SMURF1: variants seen among roughly 807,000 people sequenced by gnomAD.
SMURF1 encodes the protein E3 ubiquitin-protein ligase SMURF1.
SMURF1 carries 44 observed loss-of-function variants against 98.0 expected under a neutral mutation model. The observed-to-expected ratio is 0.45, with a 90% CI of 0.35 to 0.58. SMURF1 has a LOEUF of 0.58. Ranked by LOEUF, SMURF1 falls within the 20% of genes least tolerant of loss-of-function variation. The probability of loss-of-function intolerance (pLI) is 0.00; values close to 1 mark genes in which losing one functional copy is unlikely to be tolerated. For synonymous variants in SMURF1, 396 were observed against 374.9 expected, an observed-to-expected ratio of 1.06 and a Z score of -0.65; for missense variants, 687 against 938.4, an observed-to-expected ratio of 0.73 and a Z score of 3.50.
rs958170010 is a variant in SMURF1 at position 99,027,712 on chromosome 7, T to C, written c.*2872A>G. 6 of 152,610 alleles carry C rather than the reference T, an allele frequency of 3.9e-5. No individual in the cohort carries two copies. Among genetic ancestry groups the C allele is most frequent in the Admixed American group, 1.3e-4 (2 of 15,286 alleles). 9.5% of individuals were successfully genotyped at this position (152,610 alleles called of 1,614,324 possible). On this transcript the variant is annotated 3_prime_UTR_variant, in exon 18 of 18. Coordinates refer to ENST00000361368, the MANE Select transcript of SMURF1 (RefSeq NM_181349.3). ...ACAAAATAAATTAAAAAATACGTTA[T>C]AAAGTGGTTGAGAAACAAAAATAAA...
intron 1 of SMURF1, among the ~76,000 whole-genome samples, chr7:99,133,878 C>A (rs1797927726): frequency 6.6e-6 from 1 of 152,144 alleles, no homozygotes; most frequent in East Asian, 1.9e-4. Flanking sequence ...ACAAAAATAA[C>A]ATTGAACAAA....
Position 99,046,910 on chromosome 7 carries a change from C to G in SMURF1, c.1152+774G>C, listed in dbSNP as rs532740794. Among the ~76,000 whole-genome samples the G allele has an allele frequency of 3.9e-5, 6 of 152,270 alleles. No homozygotes were observed. The South Asian group carries it at 1.2e-3, about 32-fold the overall frequency. ...CAAGCTGCCCATCCAACACTCAGGC[C>G]CAGCCCTCGCGGTGGGGAAGGCGCT... On this transcript the variant is annotated intron_variant, in intron 10 of 17. Coordinates refer to ENST00000361368, the MANE Select transcript of SMURF1 (RefSeq NM_181349.3).
intron 1 of SMURF1, among the ~76,000 whole-genome samples, chr7:99,140,281 C>CTTTTTTTTTTT (rs11421940): frequency 3.5e-5 from 3 of 85,796 alleles, no homozygotes; most frequent in African/African-American, 4.6e-5. Context: ...CTTCAGTATC[C>CTTTTTTTTTTT]TTTTTTTTTT....
intron 1 of SMURF1, among the ~76,000 whole-genome samples, chr7:99,076,182 G>T (rs576382260): frequency 6.6e-6 from 1 of 152,240 alleles, no homozygotes; most frequent in African/African-American, 2.4e-5. Context: ...TGGGATTACA[G>T]GCGTGGGCCC....
intron 14 of SMURF1, among the ~76,000 whole-genome samples, chr7:99,038,081 C>G (rs1378763110): frequency 6.6e-6 from 1 of 152,130 alleles, no homozygotes; most frequent in Admixed American, 6.5e-5. Context: ...ACGAGAGACC[C>G]TCCAAGCTGC....
At chr7:99,084,034 CTG>C (rs1796626660) in intron 1 of SMURF1, among the ~76,000 whole-genome samples, 1 of 152,220 alleles carries the variant, frequency 6.6e-6, no homozygotes, top group Admixed American at 6.5e-5. Flanking sequence ...CCTCCACAAA[CTG>C]TGTGAAGAAA....
intron 9 of SMURF1, chr7:99,049,298 G>A (rs1036610137): frequency 2.7e-5 from 11 of 401,584 alleles, no homozygotes; most frequent in African/African-American, 1.4e-4. Flanking sequence ...AACTTCCTTC[G>A]TGCAGCCGCC....
chr7:99,030,302 G>T lies in SMURF1; in HGVS notation c.*282C>A. 1 of 423,198 alleles carries T rather than the reference G, an allele frequency of 2.4e-6. No individual in the cohort carries two copies. Among genetic ancestry groups the T allele is most frequent in the East Asian group, 4.6e-5 (1 of 21,514 alleles). The allele number at this position is 423,198 out of a possible 1,614,324, so 26.2% of individuals were successfully genotyped here. A position where few individuals can be genotyped will look rare whatever the true frequency, so the allele number is the denominator to read the frequency against. ...TCACCACATGGGTTGCAACACAGCAGAATATCCTGTGTGACCAAAGCCAAA... is the reference window on the plus strand; with the variant it reads ...TCACCACATGGGTTGCAACACAGCATAATATCCTGTGTGACCAAAGCCAAA... On this transcript the variant is annotated 3_prime_UTR_variant, in exon 18 of 18. Transcript: ENST00000361368.
chr7:99,061,111 G>A (rs1161103684), intron 2 of SMURF1, among the ~76,000 whole-genome samples: 1 of 152,182 alleles, frequency 6.6e-6, no homozygotes, highest in African/African-American at 2.4e-5. Flanking sequence ...AATCAGAGAG[G>A]TTTATTAGAT....
chr7:99,076,832 C>G (rs558529999), intron 1 of SMURF1, among the ~76,000 whole-genome samples: 1 of 123,308 alleles, frequency 8.1e-6, no homozygotes, highest in African/African-American at 2.5e-5. Context: ...TGCACGTGTG[C>G]CCATGTGTAT....
intron 11 of SMURF1, 49 bp from the exon 12 acceptor site, chr7:99,042,281 A>ATT (rs112221381): frequency 1.3e-4 from 142 of 1,127,362 alleles, no homozygotes; most frequent in Non-Finnish European, 1.4e-4. Flanking sequence ...AAATTTCTAC[A>ATT]TTTTTTTTTT....
chr7:99,086,679 T>C (rs1295349395), intron 1 of SMURF1, among the ~76,000 whole-genome samples: 1 of 152,328 alleles, frequency 6.6e-6, no homozygotes, highest in Non-Finnish European at 1.5e-5. Flanking sequence ...CATCATCTGA[T>C]GAATGGATAA....
chr7:99,101,883 G>A (rs111520095), intron 1 of SMURF1, among the ~76,000 whole-genome samples: 47 of 150,964 alleles, frequency 3.1e-4, no homozygotes, highest in Non-Finnish European at 5.2e-4. Context: ...GCAGTGAGCC[G>A]AGATTGTGCC....
intron 14 of SMURF1, among the ~76,000 whole-genome samples, chr7:99,037,573 A>G (rs940913910): frequency 6.6e-6 from 1 of 152,182 alleles, no homozygotes; most frequent in Admixed American, 6.5e-5. Flanking sequence ...TCTGACAAAC[A>G]TGGGAACACA....
intron 6 of SMURF1, among the ~76,000 whole-genome samples, chr7:99,054,241 A>G (rs554918304): frequency 2.3e-4 from 35 of 151,762 alleles, no homozygotes; most frequent in African/African-American, 7.5e-4. Context: ...TTGATGCTCA[A>G]ACTCACCCAT....
chr7:99,040,535 A>G lies in SMURF1; in HGVS notation c.1393T>C (p.Phe465Leu). 6.7e-7 allele frequency: 1 copy of G among 1,498,580 alleles called. No homozygotes were observed. Among genetic ancestry groups the G allele is most frequent in the Non-Finnish European group, 8.9e-7 (1 of 1,123,086 alleles). 92.8% of individuals were successfully genotyped at this position (1,498,580 alleles called of 1,614,324 possible). ...INPDHLSYFH[F>L]VGRIMGLAVF... ...GCCAGCCCCATGATCCGCCCCACAA[A>G]GTGGAAATAAGACAAGTGGTCCTGT... is the stretch of plus-strand genomic sequence containing the variant. The change falls in exon 13 of 18, where the codon TTT becomes CTT. Residue 465 changes from phenylalanine (F) to leucine (L), a missense_variant. By Grantham distance (22) the Phe-to-Leu change is conservative. Transcript: ENST00000361368.
At chr7:99,057,900 A>G (rs1056993950) in intron 3 of SMURF1, among the ~76,000 whole-genome samples, 9 of 151,818 alleles carry the variant, frequency 5.9e-5, no homozygotes, top group African/African-American at 2.2e-4. Context: ...CCCAGCTTTT[A>G]ATTGTATTTC....
At chr7:99,058,519 C>T (rs1236126079) in intron 3 of SMURF1, among the ~76,000 whole-genome samples, 1 of 152,160 alleles carries the variant, frequency 6.6e-6, no homozygotes, top group African/African-American at 2.4e-5. Context: ...TGGTTTGCGA[C>T]AAGGGACTAC....
chr7:99,078,818 C>T (rs542127292), intron 1 of SMURF1, among the ~76,000 whole-genome samples: 2 of 152,340 alleles, frequency 1.3e-5, no homozygotes, highest in African/African-American at 4.8e-5. Context: ...AGGGCTCCCA[C>T]TGACTCTGCA....
Sources: allele counts gnomAD v4.1 joint callset (sites outside exome capture counted in the v4.1 genomes callset), GRCh38; gene constraint gnomAD v4.1.1; transcripts MANE v1.5; gene names NCBI Gene and HGNC (gene_info 2026-07-23, HGNC 2026-07-21).